The following URB1 variants were observed in gnomAD, a reference collection of about 807,000 sequenced individuals.
URB1 encodes the protein URB1 ribosome biogenesis factor.
URB1 carries 197 observed loss-of-function variants against 242.3 expected under a neutral mutation model. That is an observed-to-expected ratio of 0.81 (90% CI 0.72 to 0.91). URB1 has a LOEUF of 0.91. Ranked by LOEUF, URB1 falls within the 40% of genes least tolerant of loss-of-function variation. The pLI, the probability that URB1 is intolerant of heterozygous loss-of-function variation, is 0.00. For synonymous variants in URB1, 1,153 were observed against 1,201.8 expected, an observed-to-expected ratio of 0.96 and a Z score of 0.84; for missense variants, 2,721 against 2,860.5, an observed-to-expected ratio of 0.95 and a Z score of 1.11.
At chr21:32,339,558 T>C (rs2033004581) in intron 25 of URB1, among the ~76,000 whole-genome samples, 1 of 151,724 alleles carries the variant, frequency 6.6e-6, no homozygotes, top group Non-Finnish European at 1.5e-5. Flanking sequence ...TGGCATGATC[T>C]TGGCTCACTG....
At position 32,316,492 on chromosome 21, in the gene URB1, AGAG is replaced by A. The variant is rs2032687274; in HGVS notation, c.6605_6607del (p.Ser2202del). On this transcript the variant is annotated inframe_deletion, in exon 38 of 39. Coordinates refer to ENST00000382751, the MANE Select transcript of URB1 (RefSeq NM_014825.3). ...TTGTGTGGCTTCATCCTTCTCACTCAGAGAAGACAGGGAGAGGGCTTCCATGGC... is the reference window on the plus strand; with the variant it reads ...TTGTGTGGCTTCATCCTTCTCACTCAAAGACAGGGAGAGGGCTTCCATGGC... 1 of 1,536,276 alleles carries A rather than the reference AGAG, an allele frequency of 6.5e-7. No individual in the cohort carries two copies. Among genetic ancestry groups the A allele is most frequent in the East Asian group, 2.4e-5 (1 of 40,820 alleles).
chr21:32,337,285 G>A (rs2032971275), intron 27 of URB1, 119 bp downstream of exon 27: 7 of 1,331,302 alleles, frequency 5.3e-6, no homozygotes, highest in Admixed American at 2.0e-5. Flanking sequence ...TGCTTGCACC[G>A]CCTGGTCTCA....
At chr21:32,379,799 G>A (rs1014697106) in intron 4 of URB1, among the ~76,000 whole-genome samples, 2 of 152,094 alleles carry the variant, frequency 1.3e-5, no homozygotes, top group African/African-American at 2.4e-5. Context: ...AAACCAACCC[G>A]GCCAACATGG....
At chr21:32,330,005 G>A (rs2032874840) in intron 30 of URB1, among the ~76,000 whole-genome samples, 1 of 152,112 alleles carries the variant, frequency 6.6e-6, no homozygotes, top group Non-Finnish European at 1.5e-5. Flanking sequence ...TCTCACTGGT[G>A]GTGTCACCAC....
chr21:32,388,726 T>C (rs1350614423), intron 1 of URB1, among the ~76,000 whole-genome samples: 1 of 152,236 alleles, frequency 6.6e-6, no homozygotes, highest in East Asian at 1.9e-4. Flanking sequence ...GGGCTGTTAA[T>C]ACAGAAAGAG....
Position 32,316,655 on chromosome 21 carries a change from T to C in URB1, c.6445A>G (p.Ile2149Val). Residue 2149 changes from isoleucine (I) to valine (V), a missense_variant, in exon 38 of 39, where the codon ATA (isoleucine) becomes GTA (valine). Transcript: ENST00000382751. Reference protein sequence around the residue: ...LLKDSAVRSSIFRLYSRLCGA... With the variant: ...LLKDSAVRSSVFRLYSRLCGA... ...CAGAGCCGGCTATACAGCCTGAATA[T>C]GCTGCTCCTCACGGCACTGTCCTTA... is the stretch of plus-strand genomic sequence containing the variant. The C allele has an allele frequency of 6.4e-7, 1 of 1,551,540 alleles. No homozygotes were observed.
intron 24 of URB1, among the ~76,000 whole-genome samples, chr21:32,343,044 CCAGGCTACA>C (rs2033048248): frequency 6.6e-6 from 1 of 151,954 alleles, no homozygotes; most frequent in African/African-American, 2.4e-5. Context: ...AAACAAAAGA[CCAGGCTACA>C]CACAGCATGC....
chr21:32,350,024 T>C (rs1406393304), intron 20 of URB1, among the ~76,000 whole-genome samples: 1 of 151,668 alleles, frequency 6.6e-6, no homozygotes, highest in Non-Finnish European at 1.5e-5. Context: ...AGGGTTGCTG[T>C]TGAGGGTTCA....
intron 28 of URB1, among the ~76,000 whole-genome samples, chr21:32,335,845 G>C (rs372916279): frequency 7.2e-5 from 11 of 152,336 alleles, no homozygotes; most frequent in African/African-American, 2.4e-4. Context: ...GTGCCCCTTA[G>C]AGCCACAGTG....
chr21:32,346,616 A>G (rs1392267178), intron 22 of URB1, among the ~76,000 whole-genome samples: 1 of 152,200 alleles, frequency 6.6e-6, no homozygotes, highest in Non-Finnish European at 1.5e-5. Context: ...ACCCTGGGAC[A>G]TGGGATGGAT....
intron 4 of URB1, among the ~76,000 whole-genome samples, chr21:32,380,459 C>G (rs1181473385): frequency 6.6e-6 from 1 of 152,238 alleles, no homozygotes; most frequent in Non-Finnish European, 1.5e-5. Flanking sequence ...CCAATGATCA[C>G]TGGTGCTGAG....
rs749053227 is a variant in URB1, at chr21:32,368,713, C to T, written c.1002-115G>A. On this transcript the variant is annotated intron_variant, in intron 8 of 38. Coordinates refer to ENST00000382751, the MANE Select transcript of URB1 (RefSeq NM_014825.3). ...CCCTCAGTGAACACAGCAATAACAA[C>T]GTAGGGAATTTCCCCCAGGACGTAA... The T allele has an allele frequency of 2.1e-4, 185 of 885,492 alleles. 1 individual carries two copies. The highest frequency in any genetic ancestry group is 7.8e-4 in the South Asian group (41 of 52,662). The allele number at this position is 885,492 out of a possible 1,614,324, so 54.9% of individuals were successfully genotyped here. A position where few individuals can be genotyped will look rare whatever the true frequency, so the allele number is the denominator to read the frequency against.
At chr21:32,377,273 T>C in intron 5 of URB1, 1 of 515,764 alleles carries the variant, frequency 1.9e-6, no homozygotes, top group Non-Finnish European at 3.9e-6. Flanking sequence ...TGGCATGGGG[T>C]ACTATGAGAG....
At chr21:32,379,860 G>T (rs1030962135) in intron 4 of URB1, among the ~76,000 whole-genome samples, 4 of 151,998 alleles carry the variant, frequency 2.6e-5, no homozygotes, top group Non-Finnish European at 5.9e-5. Flanking sequence ...TATGGTGGTA[G>T]GCGCCTATAA....
rs201370496 is a variant in URB1 at position 32,311,793 on chromosome 21, G to C, written c.*3125C>G. On this transcript the variant is annotated 3_prime_UTR_variant, in exon 39 of 39. Coordinates refer to ENST00000382751, the MANE Select transcript of URB1 (RefSeq NM_014825.3). ...CAGGGAACCCCTGGCAACCTCACAG[G>C]CTCAGGCGAGCTCAGTGGAGCCAGG... 1.7e-5 allele frequency: 28 copies of C among 1,613,978 alleles called. No homozygotes were observed. Among genetic ancestry groups the C allele is most frequent in the Non-Finnish European group, 5.9e-6 (7 of 1,180,042 alleles).
In URB1 at chr21:32,316,971, A is replaced by G. The variant is rs778793405; in HGVS notation, c.6129T>C (p.Ala2043=). 7 of 1,551,732 alleles carry G rather than the reference A, an allele frequency of 4.5e-6. No individual in the cohort carries two copies. In the South Asian group the frequency reaches 8.3e-5, roughly 18 times the overall value. Residue 2043 remains alanine, a synonymous_variant, in exon 38 of 39, where the codon GCT becomes GCC. Transcript: ENST00000382751. ...KRRPGEAEEM[A]DPELMASTLE... ...AGGTAGATGCCATCAGCTCAGGGTC[A>G]GCCATCTCCTCTGCCTCCCCAGGCC... is the stretch of plus-strand genomic sequence containing the variant.
At chr21:32,375,614 T>C (rs547390248) in intron 5 of URB1, 131 bp from the exon 6 acceptor site, 30 of 548,918 alleles carry the variant, frequency 5.5e-5, no homozygotes, top group African/African-American at 4.4e-4. Flanking sequence ...TTTTTAACTA[T>C]ACAAGTTTCC....
chr21:32,381,055 T>A (rs998160774), intron 4 of URB1, among the ~76,000 whole-genome samples: 1 of 152,156 alleles, frequency 6.6e-6, no homozygotes, highest in Non-Finnish European at 1.5e-5. Flanking sequence ...CTGGGTAAGA[T>A]CCCCAGGACA....
chr21:32,314,785 G>T lies in URB1; in HGVS notation c.*133C>A. The T allele has an allele frequency of 2.1e-6, 3 of 1,448,884 alleles. No individual in the cohort carries two copies. The highest frequency in any genetic ancestry group is 2.8e-6 in the Non-Finnish European group (3 of 1,062,664). 89.8% of individuals were successfully genotyped at this position (1,448,884 alleles called of 1,614,324 possible). A position where few individuals can be genotyped will look rare whatever the true frequency, so the allele number is the denominator to read the frequency against. ...AGTCCTCTCAACTTTTCTTGTCAAAGAACTGAGCCAATGTACTGAACCTGT... is the reference window on the plus strand; with the variant it reads ...AGTCCTCTCAACTTTTCTTGTCAAATAACTGAGCCAATGTACTGAACCTGT... On this transcript the variant is annotated 3_prime_UTR_variant, in exon 39 of 39. Transcript: ENST00000382751.
Sources: allele counts gnomAD v4.1 joint callset (sites outside exome capture counted in the v4.1 genomes callset), GRCh38; gene constraint gnomAD v4.1.1; transcripts MANE v1.5; gene names NCBI Gene and HGNC (gene_info 2026-07-23, HGNC 2026-07-21).